The following NEBL variants were observed in gnomAD, a reference collection of about 807,000 sequenced individuals.
NEBL encodes the protein nebulette.
In NEBL, 122 loss-of-function variants were observed where a neutral mutation model predicts 140.2. The ratio of observed to expected loss-of-function variants is 0.87; its 90% confidence interval spans 0.75 to 1.01. The LOEUF (loss-of-function observed/expected upper bound fraction) is 1.01, where lower values mean the gene tolerates loss of function less well. Ranked by LOEUF, NEBL falls within the 50% of genes least tolerant of loss-of-function variation. NEBL has a pLI of 0.00. For synonymous variants in NEBL, 436 were observed against 398.9 expected (o/e 1.09, Z -1.11); for missense variants, 1,365 against 1,231.3 (o/e 1.11, Z -1.62).
chr10:20,898,443 T>TAA (rs11399003), upstream of NEBL, among the ~76,000 whole-genome samples: 434 of 150,094 alleles, frequency 2.9e-3, 2 homozygotes, highest in Non-Finnish European at 8.2e-4. Context: ...CAATGTACTG[T>TAA]AAAAAAAAAA....
intron 26 of NEBL, among the ~76,000 whole-genome samples, chr10:20,793,814 C>A (rs57174011): frequency 1.3e-5 from 2 of 152,282 alleles, no homozygotes; most frequent in Admixed American, 6.5e-5. Context: ...CCTTGGCCTC[C>A]CAAAATGCTG....
intron 2 of NEBL, among the ~76,000 whole-genome samples, chr10:21,078,900 C>T (rs1208284002): frequency 6.6e-6 from 1 of 152,180 alleles, no homozygotes. Flanking sequence ...CTCCCAGATC[C>T]AGGGGATGAG....
intron 3 of NEBL, among the ~76,000 whole-genome samples, chr10:21,180,362 A>G (rs7910912): frequency 0.42 from 64,335 of 152,028 alleles, 16,381 homozygotes; most frequent in East Asian, 0.73. Flanking sequence ...TCAGTTGGAA[A>G]GGGAGATGGT....
intron 2 of NEBL, among the ~76,000 whole-genome samples, chr10:21,045,018 G>A (rs978931344): frequency 3.3e-5 from 5 of 152,194 alleles, no homozygotes; most frequent in African/African-American, 1.2e-4. Flanking sequence ...GGCATTCTCA[G>A]AAGAACGTTA....
chr10:21,030,953 C>T (rs190456226), intron 2 of NEBL, among the ~76,000 whole-genome samples: 2 of 152,296 alleles, frequency 1.3e-5, no homozygotes, highest in East Asian at 3.9e-4. Flanking sequence ...TAGGACACAC[C>T]GGTGTGCACT....
intron 5 of NEBL, 149 bp from the exon 6 acceptor site, chr10:20,869,990 T>C (rs1844756372): frequency 4.5e-6 from 3 of 664,980 alleles, no homozygotes; most frequent in Non-Finnish European, 2.7e-6. Context: ...TCTATTTGTA[T>C]AGCTATATTA....
intron 3 of NEBL, among the ~76,000 whole-genome samples, chr10:21,202,461 CTT>C (rs35623208): frequency 6.0e-5 from 7 of 117,304 alleles, no homozygotes; most frequent in East Asian, 2.3e-4. Context: ...TTTTCTTTTT[CTT>C]TTTTTTTTTT....
intron 4 of NEBL, among the ~76,000 whole-genome samples, chr10:20,956,899 C>T (rs1431390688): frequency 1.3e-5 from 2 of 152,144 alleles, no homozygotes; most frequent in African/African-American, 4.8e-5. Context: ...GCATGTATTG[C>T]TCATGCATGA....
intron 4 of NEBL, among the ~76,000 whole-genome samples, chr10:20,946,625 A>G (rs1298808258): frequency 1.3e-5 from 2 of 152,106 alleles, no homozygotes; most frequent in African/African-American, 2.4e-5. Flanking sequence ...CCACACCCAG[A>G]TAACATTTGT....
chr10:20,842,662 A>T (rs955649464), intron 12 of NEBL, among the ~76,000 whole-genome samples: 1 of 152,084 alleles, frequency 6.6e-6, no homozygotes, highest in Non-Finnish European at 1.5e-5. Flanking sequence ...ATAATTTATG[A>T]ATACAATGTG....
At chr10:21,096,097 C>T (rs1398931022) in intron 2 of NEBL, among the ~76,000 whole-genome samples, 2 of 152,134 alleles carry the variant, frequency 1.3e-5, no homozygotes, top group Non-Finnish European at 2.9e-5. Flanking sequence ...CATTTATTTT[C>T]CCCTAAAGAG....
chr10:21,070,805 T>C (rs1835782766), intron 2 of NEBL, among the ~76,000 whole-genome samples: 1 of 152,174 alleles, frequency 6.6e-6, no homozygotes, highest in Admixed American at 6.5e-5. Context: ...ATGAAAATCA[T>C]AACTATTTTA....
chr10:20,835,863 T>C (rs1343588145), intron 13 of NEBL, among the ~76,000 whole-genome samples: 1 of 152,196 alleles, frequency 6.6e-6, no homozygotes, highest in Admixed American at 6.5e-5. Flanking sequence ...GCAATTGCCA[T>C]GTGAAAATCT....
chr10:21,187,953 T>A (rs552721909), intron 3 of NEBL, among the ~76,000 whole-genome samples: 1 of 152,322 alleles, frequency 6.6e-6, no homozygotes, highest in East Asian at 1.9e-4. Context: ...TAAAACTCGC[T>A]AAGTGTGGGG....
At chr10:20,886,628 C>A (rs1021310635) in intron 4 of NEBL, among the ~76,000 whole-genome samples, 2 of 152,270 alleles carry the variant, frequency 1.3e-5, no homozygotes, top group South Asian at 2.1e-4. Context: ...TGGTTAAAAA[C>A]CTAGACTCTG....
At chr10:21,061,844 C>T (rs1835321672) in intron 2 of NEBL, among the ~76,000 whole-genome samples, 1 of 152,108 alleles carries the variant, frequency 6.6e-6, no homozygotes, top group African/African-American at 2.4e-5. Flanking sequence ...CTTGGGTCAC[C>T]TCTGTACTTA....
chr10:20,936,905 A>C (rs564724343), intron 4 of NEBL, among the ~76,000 whole-genome samples: 1 of 152,368 alleles, frequency 6.6e-6, no homozygotes, highest in African/African-American at 2.4e-5. Flanking sequence ...ACTCTTAAAA[A>C]GAACAAAAGC....
Position 21,163,785 on chromosome 10 carries a change from C to T in NEBL, c.164+8598G>A, listed in dbSNP as rs1840651547. Among the ~76,000 whole-genome samples, 4 of 152,182 alleles carry T rather than the reference C, an allele frequency of 2.6e-5. No individual in the cohort carries two copies. In the South Asian group the frequency reaches 8.3e-4, roughly 32 times the overall value. Reference sequence around the variant, plus strand: ...AGATGCTATTCAAGAATGCACACATCGAACTAGTTCTCTTCTGGCTCCTCC... The same window carrying T: ...AGATGCTATTCAAGAATGCACACATTGAACTAGTTCTCTTCTGGCTCCTCC... On this transcript the variant is annotated intron_variant, in intron 2 of 6. Coordinates refer to the NEBL transcript ENST00000417816.
chr10:21,068,209 A>G (rs141621075), intron 2 of NEBL, among the ~76,000 whole-genome samples: 5 of 152,336 alleles, frequency 3.3e-5, no homozygotes, highest in African/African-American at 1.2e-4. Flanking sequence ...ACACTTTTAT[A>G]AAGTTAAAAA....
Sources: gnomAD v4.1 joint callset for allele counts (sites outside exome capture counted in the v4.1 genomes callset) on GRCh38, gnomAD v4.1.1 for gene constraint, MANE v1.5 for transcripts, NCBI Gene and HGNC (gene_info 2026-07-23, HGNC 2026-07-21) for gene names.